FHIT: variants seen among roughly 807,000 people sequenced by gnomAD.
FHIT encodes the protein bis(5'-adenosyl)-triphosphatase.
A neutral mutation model predicts 17.9 loss-of-function variants in FHIT; 19 were observed. The observed-to-expected ratio is 1.06, with a 90% CI of 0.74 to 1.56. The LOEUF (loss-of-function observed/expected upper bound fraction) is 1.56, where lower values mean the gene tolerates loss of function less well. Among genes scored for constraint, FHIT ranks in the 40% most tolerant of loss-of-function variants. The probability of loss-of-function intolerance (pLI) is 0.00; values close to 1 mark genes in which losing one functional copy is unlikely to be tolerated. For synonymous variants in FHIT, 81 were observed against 69.7 expected (o/e 1.16, Z -0.81); for missense variants, 248 against 189.2 (o/e 1.31, Z -1.82).
At chr3:60,203,539 A>G (rs1703016235) in intron 5 of FHIT, among the ~76,000 whole-genome samples, 1 of 152,170 alleles carries the variant, frequency 6.6e-6, no homozygotes, top group African/African-American at 2.4e-5. Flanking sequence ...TTTGCAATTC[A>G]TAGTTTTGAC....
chr3:61,204,026 G>C (rs1253664423), intron 1 of FHIT, among the ~76,000 whole-genome samples: 1 of 152,148 alleles, frequency 6.6e-6, no homozygotes, highest in African/African-American at 2.4e-5. Flanking sequence ...TGGAAAATCA[G>C]TGAAAGTTAC....
intron 5 of FHIT, among the ~76,000 whole-genome samples, chr3:60,244,581 T>C (rs2107579402): frequency 6.6e-6 from 1 of 152,150 alleles, no homozygotes; most frequent in South Asian, 2.1e-4. Flanking sequence ...CTAAACAAAC[T>C]TTGTTGCCAC....
chr3:60,948,895 T>G (rs1553776420), intron 3 of FHIT, among the ~76,000 whole-genome samples: 2 of 152,156 alleles, frequency 1.3e-5, no homozygotes, highest in African/African-American at 4.8e-5. Context: ...AACACCGCTC[T>G]TTTGTCTTCA....
Position 60,287,028 on chromosome 3 carries a change from G to A in FHIT, c.103+249832C>T, listed in dbSNP as rs191025650. Among the ~76,000 whole-genome samples, 341 of 152,224 alleles carry A rather than the reference G, an allele frequency of 2.2e-3. 2 individuals are homozygous for A. The highest frequency in any genetic ancestry group is 7.8e-3 in the African/African-American group (322 of 41,548). ...GCCTTTTAATATTTTGATATTAGCA[G>A]GTTCTACTTTTCCTCCTGATGCCGA... On this transcript the variant is annotated intron_variant, in intron 5 of 9. Transcript: ENST00000492590.
At chr3:60,170,150 T>A (rs1418063561) in intron 5 of FHIT, among the ~76,000 whole-genome samples, 1 of 152,180 alleles carries the variant, frequency 6.6e-6, no homozygotes, top group African/African-American at 2.4e-5. Context: ...GTCCAAGGAC[T>A]TTTGTTGAAA....
chr3:60,537,310 T>G (rs1165490749), intron 4 of FHIT: 2 of 218,554 alleles, frequency 9.2e-6, no homozygotes, highest in African/African-American at 4.7e-5. Context: ...TGTCAGCTAC[T>G]TATTTTTACC....
chr3:59,796,248 G>A (rs1201526837), intron 8 of FHIT, among the ~76,000 whole-genome samples: 1 of 152,148 alleles, frequency 6.6e-6, no homozygotes, highest in African/African-American at 2.4e-5. Context: ...AGTACAATGA[G>A]AATGAAATGC....
intron 3 of FHIT, among the ~76,000 whole-genome samples, chr3:60,924,339 G>A (rs1400032653): frequency 6.6e-6 from 1 of 152,094 alleles, no homozygotes; most frequent in African/African-American, 2.4e-5. Flanking sequence ...TCACACGGCC[G>A]GGTACTCTTC....
intron 5 of FHIT, among the ~76,000 whole-genome samples, chr3:60,201,703 T>C (rs1702914373): frequency 6.6e-6 from 1 of 152,174 alleles, no homozygotes; most frequent in South Asian, 2.1e-4. Context: ...TCTGTGTATA[T>C]TTAACCTATC....
At chr3:61,202,995 AT>A (rs956167241) in intron 1 of FHIT, among the ~76,000 whole-genome samples, 137 of 152,090 alleles carry the variant, frequency 9.0e-4, no homozygotes, top group African/African-American at 3.2e-3. Context: ...CCTGGCTAAT[AT>A]GGTGAAACCC....
chr3:60,017,314 T>A (rs1269864405), intron 5 of FHIT, among the ~76,000 whole-genome samples: 1 of 152,114 alleles, frequency 6.6e-6, no homozygotes, highest in Non-Finnish European at 1.5e-5. Flanking sequence ...GGGCAGTGAG[T>A]ATGCCTTCAT....
At chr3:60,157,209 T>C (rs1576219472) in intron 5 of FHIT, among the ~76,000 whole-genome samples, 1 of 152,066 alleles carries the variant, frequency 6.6e-6, no homozygotes, top group East Asian at 1.9e-4. Flanking sequence ...GATTGAAAAA[T>C]GCAAAAGGGC....
chr3:60,498,536 G>C (rs1289374258), intron 5 of FHIT, among the ~76,000 whole-genome samples: 1 of 152,110 alleles, frequency 6.6e-6, no homozygotes, highest in African/African-American at 2.4e-5. Flanking sequence ...CTTTCTATTA[G>C]GTTTGCTATT....
intron 8 of FHIT, among the ~76,000 whole-genome samples, chr3:59,761,294 T>C (rs1701500610): frequency 6.6e-6 from 1 of 152,200 alleles, no homozygotes; most frequent in Non-Finnish European, 1.5e-5. Flanking sequence ...TCTTCCTGTC[T>C]AGTCCCCACA....
In FHIT at chr3:60,335,989, A is replaced by G. The variant is rs1449614440; in HGVS notation, c.103+200871T>C. ...TGACAGATCTGACAGAAAACATGAA[A>G]AAGTGTGCTTTCTATCATAATGATT... On this transcript the variant is annotated intron_variant, in intron 5 of 9. Coordinates refer to ENST00000492590, the MANE Select transcript of FHIT (RefSeq NM_002012.4). 2.6e-5 allele frequency among the ~76,000 whole-genome samples: 4 copies of G among 152,200 alleles called. No individual in the cohort carries two copies. In the East Asian group the frequency reaches 7.7e-4, roughly 29 times the overall value.
chr3:59,942,954 G>T (rs1256363823), intron 7 of FHIT, among the ~76,000 whole-genome samples: 1 of 152,044 alleles, frequency 6.6e-6, no homozygotes, highest in African/African-American at 2.4e-5. Flanking sequence ...TGGCTTCCTA[G>T]TTCTCTATAG....
intron 5 of FHIT, among the ~76,000 whole-genome samples, chr3:60,097,783 A>G (rs1476861314): frequency 2.0e-5 from 3 of 150,966 alleles, no homozygotes; most frequent in Non-Finnish European, 4.4e-5. Context: ...TTACATATGT[A>G]TACATGTGCC....
intron 8 of FHIT, among the ~76,000 whole-genome samples, chr3:59,863,097 A>G (rs546670808): frequency 1.3e-5 from 2 of 152,366 alleles, no homozygotes; most frequent in Non-Finnish European, 2.9e-5. Context: ...TATCCAAGGA[A>G]TACGGGCAGT....
At chr3:60,083,148 A>C (rs1427883519) in intron 5 of FHIT, among the ~76,000 whole-genome samples, 3 of 152,060 alleles carry the variant, frequency 2.0e-5, no homozygotes, top group Non-Finnish European at 4.4e-5. Flanking sequence ...GTATATGGTG[A>C]AAGGTAGGGG....
Sources: allele counts gnomAD v4.1 joint callset (sites outside exome capture counted in the v4.1 genomes callset), GRCh38; gene constraint gnomAD v4.1.1; transcripts MANE v1.5; gene names NCBI Gene and HGNC (gene_info 2026-07-23, HGNC 2026-07-21).